Variants in DCTN6 observed in about 807,000 individuals in gnomAD.
DCTN6 encodes dynactin subunit 6.
A neutral mutation model predicts 25.8 loss-of-function variants in DCTN6; 15 were observed. That is an observed-to-expected ratio of 0.58 (90% CI 0.39 to 0.89). The LOEUF is 0.89. Ranked by LOEUF, DCTN6 falls within the 40% of genes least tolerant of loss-of-function variation. The pLI, the probability that DCTN6 is intolerant of heterozygous loss-of-function variation, is 0.00. For synonymous variants in DCTN6, 64 were observed against 78.3 expected (o/e 0.82, Z 0.96); for missense variants, 198 against 237.6 (o/e 0.83, Z 1.09).
intron 2 of DCTN6, among the ~76,000 whole-genome samples, chr8:30,172,922 T>C (rs1181283052): frequency 6.6e-6 from 1 of 152,206 alleles, no homozygotes; most frequent in East Asian, 1.9e-4. Flanking sequence ...TTGTTTGTTT[T>C]AAAGAAAAGG....
intron 2 of DCTN6, among the ~76,000 whole-genome samples, chr8:30,168,971 C>G (rs1803724182): frequency 1.3e-5 from 2 of 152,204 alleles, no homozygotes; most frequent in African/African-American, 2.4e-5. Context: ...GAGCTGAAAA[C>G]ATTTCTGAAA....
At chr8:30,172,002 T>G (rs1322333694) in intron 2 of DCTN6, among the ~76,000 whole-genome samples, 1 of 152,204 alleles carries the variant, frequency 6.6e-6, no homozygotes, top group Non-Finnish European at 1.5e-5. Flanking sequence ...GGGCTTTGAT[T>G]ACAAAGAACC....
At chr8:30,180,449 A>G (rs1803896457) in intron 5 of DCTN6, 39 bp from the exon 6 acceptor site, 1 of 1,589,954 alleles carries the variant, frequency 6.3e-7, no homozygotes, top group Admixed American at 1.8e-5. Context: ...GAATCATTTG[A>G]TGTCTTAAGT....
At chr8:30,156,456 G>C in intron 1 of DCTN6, 50 bp downstream of exon 1, 1 of 1,574,038 alleles carries the variant, frequency 6.4e-7, no homozygotes, top group Non-Finnish European at 8.6e-7. Flanking sequence ...CGTAGGGGTG[G>C]AACCTGTTCC....
chr8:30,171,339 C>G (rs1315211025), intron 2 of DCTN6, among the ~76,000 whole-genome samples: 2 of 151,926 alleles, frequency 1.3e-5, no homozygotes, highest in Non-Finnish European at 2.9e-5. Context: ...AGCCTCGAAC[C>G]CCTGGACTCA....
intron 2 of DCTN6, among the ~76,000 whole-genome samples, chr8:30,171,234 G>A (rs75359367): frequency 0.01 from 1,534 of 151,546 alleles, 35 homozygotes; most frequent in East Asian, 0.058. Flanking sequence ...CAGATATGAC[G>A]ATCACTTCCT....
At chr8:30,170,195 C>A (rs1318545477) in intron 2 of DCTN6, among the ~76,000 whole-genome samples, 2 of 151,682 alleles carry the variant, frequency 1.3e-5, no homozygotes, top group African/African-American at 4.8e-5. Flanking sequence ...AAAAGTTCAC[C>A]AAACCAAAAT....
chr8:30,175,587 G>T (rs994526299), intron 3 of DCTN6, among the ~76,000 whole-genome samples: 1 of 150,870 alleles, frequency 6.6e-6, no homozygotes, highest in Admixed American at 6.6e-5. Context: ...GCCTAAACAC[G>T]TGAATTTAAC....
Position 30,156,410 on chromosome 8 carries a change from G to T in DCTN6, c.23+4G>T. 2 of 1,603,802 alleles carry T rather than the reference G, an allele frequency of 1.2e-6. No homozygotes were observed. Among genetic ancestry groups the T allele is most frequent in the Non-Finnish European group, 1.7e-6 (2 of 1,175,144 alleles). On this transcript the variant is annotated splice_donor_region_variant and intron_variant, in intron 1 of 6. Coordinates refer to ENST00000221114, the MANE Select transcript of DCTN6 (RefSeq NM_006571.4). The stretch of plus-strand genomic sequence containing the variant: ...TGGCGGAGAAGACTCAAAAGAGGTG[G>T]GTTTGCTGCTTGAGAAAAGCCTTTT...
intron 6 of DCTN6, among the ~76,000 whole-genome samples, chr8:30,182,819 C>T (rs1213266949): frequency 6.6e-6 from 1 of 151,980 alleles, no homozygotes; most frequent in African/African-American, 2.4e-5. Flanking sequence ...CCCTGCCGCC[C>T]TGCTTCCACC....
intron 3 of DCTN6, among the ~76,000 whole-genome samples, chr8:30,175,642 T>C (rs16876616): frequency 0.01 from 1,532 of 152,088 alleles, 36 homozygotes; most frequent in East Asian, 0.057. Context: ...ACACCCAGAA[T>C]TATAGTTGAA....
chr8:30,177,008 C>T lies in DCTN6; in HGVS notation c.195-118C>T, dbSNP rs1000193317. 3 of 688,884 alleles carry T rather than the reference C, an allele frequency of 4.4e-6. No homozygotes were observed. In the African/African-American group the frequency reaches 5.4e-5, roughly 12 times the overall value. 42.7% of individuals were successfully genotyped at this position (688,884 alleles called of 1,614,324 possible). A position where few individuals can be genotyped will look rare whatever the true frequency, so the allele number is the denominator to read the frequency against. Reference sequence around the variant, plus strand: ...GAAAAAAAGAAATAACTTATATAGTCATGTCTTTTAAGCTTGATGTAGGTA... The same window carrying T: ...GAAAAAAAGAAATAACTTATATAGTTATGTCTTTTAAGCTTGATGTAGGTA... On this transcript the variant is annotated intron_variant, in intron 3 of 6. Coordinates refer to ENST00000221114, the MANE Select transcript of DCTN6 (RefSeq NM_006571.4).
chr8:30,156,920 G>A (rs1803534487), intron 1 of DCTN6, among the ~76,000 whole-genome samples: 1 of 152,182 alleles, frequency 6.6e-6, no homozygotes. Flanking sequence ...GGGGGGCCGC[G>A]CCTGGACTTG....
intron 2 of DCTN6, chr8:30,165,679 T>A (rs1000491355): frequency 6.4e-6 from 1 of 156,502 alleles, no homozygotes; most frequent in African/African-American, 2.4e-5. Flanking sequence ...AGCCTCAACA[T>A]GGAGAAACCC....
chr8:30,169,306 GAATT>G (rs112949811), intron 2 of DCTN6, among the ~76,000 whole-genome samples: 10,781 of 152,196 alleles, frequency 0.071, 489 homozygotes, highest in East Asian at 0.24. Flanking sequence ...AAGGCCTTTT[GAATT>G]ATTTATTGAC....
Position 30,164,105 on chromosome 8 carries a change from CT to C in DCTN6, c.24-5del. The C allele has an allele frequency of 6.2e-7, 1 of 1,612,320 alleles. No homozygotes were observed. The highest frequency in any genetic ancestry group is 1.7e-4 in the Middle Eastern group (1 of 6,058). On this transcript the variant is annotated splice_polypyrimidine_tract_variant and splice_region_variant and intron_variant, in intron 1 of 6. Coordinates refer to ENST00000221114, the MANE Select transcript of DCTN6 (RefSeq NM_006571.4). ...CCTGGTAAATGTTACCTTTTTCTTG[CT>C]ACAGTGTGAAGATTGCTCCTGGAGC...
At chr8:30,179,157 C>T (rs1803882110) in intron 4 of DCTN6, among the ~76,000 whole-genome samples, 1 of 152,066 alleles carries the variant, frequency 6.6e-6, no homozygotes, top group South Asian at 2.1e-4. Flanking sequence ...AAATATTTTA[C>T]TCATAAAATC....
chr8:30,178,821 G>C (rs1274200108), intron 4 of DCTN6, among the ~76,000 whole-genome samples: 1 of 152,038 alleles, frequency 6.6e-6, no homozygotes, highest in Non-Finnish European at 1.5e-5. Flanking sequence ...ACCGTGCCCA[G>C]CTAATTTTAT....
At chr8:30,162,687 G>C (rs1464739225) in intron 1 of DCTN6, among the ~76,000 whole-genome samples, 1 of 152,048 alleles carries the variant, frequency 6.6e-6, no homozygotes, top group East Asian at 1.9e-4. Flanking sequence ...GATAACAGCA[G>C]AATATAAAAA....
Sources: gnomAD v4.1 joint callset for allele counts (sites outside exome capture counted in the v4.1 genomes callset) on GRCh38, gnomAD v4.1.1 for gene constraint, MANE v1.5 for transcripts, NCBI Gene and HGNC (gene_info 2026-07-23, HGNC 2026-07-21) for gene names.